Variants in MTCL2 observed in about 807,000 individuals in gnomAD.
The protein encoded by MTCL2 is microtubule cross-linking factor 2.
chr20:36,846,738 G>A, the MTCL2 span, among the ~76,000 whole-genome samples: 2 of 152,154 alleles, frequency 1.3e-5, no homozygotes, highest in Admixed American at 6.6e-5. Flanking sequence ...CAGGCACGGC[G>A]GCTCACGCCT....
chr20:36,798,473 G>C, the MTCL2 span, among the ~76,000 whole-genome samples: 1 of 152,242 alleles, frequency 6.6e-6, no homozygotes, highest in Non-Finnish European at 1.5e-5. Context: ...AGGTTGGGCA[G>C]CTGACTGAGT....
the MTCL2 span, among the ~76,000 whole-genome samples, chr20:36,810,706 TTCTCTCTCTCCCTCTCTC>T: frequency 2.5e-4 from 15 of 60,998 alleles, no homozygotes; most frequent in African/African-American, 7.3e-4. Flanking sequence ...CCTCCCCTCC[TTCTCTCTCTCCCTCTCTC>T]TCTCTCTCTC....
At chr20:36,849,649 GCCTGGGCTGGTAA>G in the MTCL2 span, among the ~76,000 whole-genome samples, 2 of 152,114 alleles carry the variant, frequency 1.3e-5, no homozygotes, top group African/African-American at 4.8e-5. Flanking sequence ...TGATTTACCA[GCCTGGGCTGGTAA>G]ATCACACTTT....
chr20:36,831,670 G>A, the MTCL2 span, among the ~76,000 whole-genome samples: 1 of 152,216 alleles, frequency 6.6e-6, no homozygotes, highest in Non-Finnish European at 1.5e-5. Flanking sequence ...GATCTCGTAG[G>A]ACAGCCAGGA....
chr20:36,822,602 C>A, the MTCL2 span, among the ~76,000 whole-genome samples: 1 of 152,318 alleles, frequency 6.6e-6, no homozygotes, highest in South Asian at 2.1e-4. Flanking sequence ...CCTTCCTGCC[C>A]CACTTTGGCC....
the MTCL2 span, among the ~76,000 whole-genome samples, chr20:36,807,865 CTTTTTTTTTT>C: frequency 1.3e-4 from 7 of 53,540 alleles, no homozygotes; most frequent in East Asian, 8.0e-4. Flanking sequence ...GAAACCCTGT[CTTTTTTTTTT>C]TTTTTTTTTT....
chr20:36,848,428 C>T, the MTCL2 span, among the ~76,000 whole-genome samples: 5 of 152,198 alleles, frequency 3.3e-5, no homozygotes, highest in African/African-American at 7.2e-5. Flanking sequence ...CCGGCTGGGC[C>T]GGACAGCCAA....
chr20:36,845,235 C>T, the MTCL2 span, among the ~76,000 whole-genome samples: 1 of 152,196 alleles, frequency 6.6e-6, no homozygotes, highest in Non-Finnish European at 1.5e-5. Flanking sequence ...AAGGGCGTTT[C>T]CTTCTAGTTA....
the MTCL2 span, chr20:36,839,325 G>T: frequency 6.2e-7 from 1 of 1,612,854 alleles, no homozygotes; most frequent in Non-Finnish European, 8.5e-7. The surrounding 1 kb of genome is among the most constrained non-coding windows in gnomAD (Gnocchi z 5.1). Context: ...GCAGGATGCG[G>T]CAGGTCTTGC....
the MTCL2 span, chr20:36,815,531 G>T: frequency 6.4e-7 from 1 of 1,574,674 alleles, no homozygotes; most frequent in East Asian, 2.4e-5. The surrounding 1 kb of genome is among the most constrained non-coding windows in gnomAD (Gnocchi z 5.3). Flanking sequence ...CATGGGACTC[G>T]TGTGTCTCGC....
chr20:36,812,635 C>T, the MTCL2 span: 25 of 1,580,816 alleles, frequency 1.6e-5, 1 homozygote, highest in Non-Finnish European at 2.2e-5. Flanking sequence ...ATATGGACCA[C>T]TCTGCTTTTG....
chr20:36,841,874 G>GGGTGTGTGTGT, the MTCL2 span, among the ~76,000 whole-genome samples: 26 of 110,768 alleles, frequency 2.3e-4, no homozygotes, highest in African/African-American at 8.1e-4. Flanking sequence ...TGGGGGGTGG[G>GGGTGTGTGTGT]GTGTGTGTGT....
At chr20:36,818,698 A>C in the MTCL2 span, among the ~76,000 whole-genome samples, 1 of 152,258 alleles carries the variant, frequency 6.6e-6, no homozygotes, top group African/African-American at 2.4e-5. Context: ...TGATTATACA[A>C]GCAAATTCTG....
At chr20:36,784,621 C>T in the MTCL2 span, 2 of 985,304 alleles carry the variant, frequency 2.0e-6, no homozygotes, top group African/African-American at 3.5e-5. Context: ...TGTGTGCAAC[C>T]AAAAGGGGTT....
chr20:36,784,739 G>C, the MTCL2 span: 1 of 985,604 alleles, frequency 1.0e-6, no homozygotes, highest in African/African-American at 1.7e-5. Flanking sequence ...GTGAGGAAGG[G>C]CGGGCAGCAG....
At chr20:36,786,093 G>A in the MTCL2 span, 12 of 988,136 alleles carry the variant, frequency 1.2e-5, no homozygotes, top group East Asian at 3.4e-4. Context: ...ACATCTCTCC[G>A]ACTCCTTTTC....
chr20:36,812,741 G>A, the MTCL2 span: 1 of 1,613,988 alleles, frequency 6.2e-7, no homozygotes, highest in South Asian at 1.1e-5. Flanking sequence ...AGCTCGGTAA[G>A]GCCTGAAGCT....
chr20:36,786,264 GC>G, the MTCL2 span: 1 of 1,235,694 alleles, frequency 8.1e-7, no homozygotes, highest in Non-Finnish European at 1.0e-6. Context: ...CCCACTCACT[GC>G]CTTCCCCTGG....
chr20:36,810,045 C>T, the MTCL2 span: 4 of 1,600,410 alleles, frequency 2.5e-6, no homozygotes, highest in Non-Finnish European at 3.4e-6. Flanking sequence ...CCTGGGAGAG[C>T]TGCTCTTGCA....
Sources: allele counts gnomAD v4.1 joint callset (sites outside exome capture counted in the v4.1 genomes callset), GRCh38; gene constraint gnomAD v4.1.1; non-coding constraint Gnocchi (gnomAD v3.1); transcripts MANE v1.5; gene names NCBI Gene and HGNC (gene_info 2026-07-23, HGNC 2026-07-21).